Variants in GLO1 observed in about 807,000 individuals in gnomAD.
GLO1 encodes the protein glyoxalase I.
In GLO1, 28 loss-of-function variants were observed where a neutral mutation model predicts 26.0. That is an observed-to-expected ratio of 1.08 (90% confidence interval 0.80 to 1.48). GLO1 has a LOEUF of 1.48. Ranked by LOEUF, GLO1 falls within the 40% of genes most tolerant of loss-of-function variation. The pLI is 0.00. For missense variants in GLO1, 225 were observed against 224.8 expected (o/e 1.00, Z -0.01); for synonymous variants, 78 against 77.6 (o/e 1.00, Z -0.03).
At chr6:38,702,383 A>C (rs1382711668) in intron 1 of GLO1, among the ~76,000 whole-genome samples, 2 of 152,228 alleles carry the variant, frequency 1.3e-5, no homozygotes, top group African/African-American at 4.8e-5. Flanking sequence ...GGGTAAGAGA[A>C]GGAATTTCTA....
chr6:38,688,842 A>T (rs1328222681), intron 1 of GLO1, among the ~76,000 whole-genome samples: 2 of 152,248 alleles, frequency 1.3e-5, no homozygotes, highest in Non-Finnish European at 2.9e-5. Context: ...GTCACTCATC[A>T]GTGGACTTTA....
chr6:38,686,328 ATAAC>A (rs1761459731), intron 2 of GLO1, among the ~76,000 whole-genome samples: 1 of 152,262 alleles, frequency 6.6e-6, no homozygotes, highest in Non-Finnish European at 1.5e-5. Flanking sequence ...AAATGCTCAC[ATAAC>A]TTAGGGAAAC....
intron 5 of GLO1, among the ~76,000 whole-genome samples, chr6:38,679,882 G>C (rs1332442172): frequency 6.6e-6 from 1 of 151,608 alleles, no homozygotes; most frequent in Non-Finnish European, 1.5e-5. Flanking sequence ...GCGAAAATTA[G>C]AGATCAAAAT....
At chr6:38,684,763 T>A (rs1235917599) in intron 2 of GLO1, among the ~76,000 whole-genome samples, 1 of 152,224 alleles carries the variant, frequency 6.6e-6, no homozygotes, top group Non-Finnish European at 1.5e-5. Context: ...AACATTTAGC[T>A]GAAATTATGG....
intron 1 of GLO1, among the ~76,000 whole-genome samples, chr6:38,694,230 G>T (rs1479901641): frequency 6.6e-6 from 1 of 151,940 alleles, no homozygotes; most frequent in Non-Finnish European, 1.5e-5. Context: ...GTCTACTTTG[G>T]TATATTTTCT....
chr6:38,689,515 G>A (rs1247871357), intron 1 of GLO1, among the ~76,000 whole-genome samples: 2 of 152,156 alleles, frequency 1.3e-5, no homozygotes, highest in East Asian at 1.9e-4. Context: ...CTTAGGCACA[G>A]CATGTATTTT....
At chr6:38,693,685 C>CTATATATATA (rs1170645548) in intron 1 of GLO1, among the ~76,000 whole-genome samples, 95 of 86,406 alleles carry the variant, frequency 1.1e-3, no homozygotes, top group African/African-American at 3.0e-3. Flanking sequence ...CTCTCTCTCT[C>CTATATATATA]TATATATATA....
chr6:38,702,485 G>T (rs1053988951), intron 1 of GLO1, among the ~76,000 whole-genome samples: 5 of 152,112 alleles, frequency 3.3e-5, no homozygotes, highest in African/African-American at 9.7e-5. Context: ...GTGACCCACA[G>T]CAAAGGCCAA....
At chr6:38,692,562 T>C (rs370660332) in intron 1 of GLO1, among the ~76,000 whole-genome samples, 1 of 152,212 alleles carries the variant, frequency 6.6e-6, no homozygotes, top group East Asian at 1.9e-4. Flanking sequence ...TGTCTAGAAC[T>C]TTCAGCACTT....
rs1761248592 is a variant in GLO1 at position 38,676,726 on chromosome 6, G to A, written c.*569C>T. On this transcript the variant is annotated 3_prime_UTR_variant, in exon 6 of 6. Transcript: ENST00000373365. ...TCCTCCCCTTTCCCAAATAAATAAG[G>A]TTAGTCCTTGAACTTTAAATGTACT... 2 of 152,118 alleles carry A rather than the reference G, an allele frequency of 1.3e-5. No homozygotes were observed. Among genetic ancestry groups the A allele is most frequent in the Admixed American group, 1.3e-4 (2 of 15,270 alleles). 9.4% of individuals were successfully genotyped at this position (152,118 alleles called of 1,614,324 possible).
chr6:38,699,452 C>T (rs1761662386), intron 1 of GLO1, among the ~76,000 whole-genome samples: 1 of 152,000 alleles, frequency 6.6e-6, no homozygotes, highest in Non-Finnish European at 1.5e-5. Flanking sequence ...TTTTAGGGAA[C>T]AAGGGAAGAC....
Position 38,677,212 on chromosome 6 carries a change from G to T in GLO1, c.*83C>A. 1.3e-6 allele frequency: 1 copy of T among 778,700 alleles called. No homozygotes were observed. Among genetic ancestry groups the T allele is most frequent in the Non-Finnish European group, 2.3e-6 (1 of 427,210 alleles). 48.2% of individuals were successfully genotyped at this position (778,700 alleles called of 1,614,324 possible). A position where few individuals can be genotyped will look rare whatever the true frequency, so the allele number is the denominator to read the frequency against. On this transcript the variant is annotated 3_prime_UTR_variant, in exon 6 of 6. Coordinates refer to ENST00000373365, the MANE Select transcript of GLO1 (RefSeq NM_006708.3). The stretch of plus-strand genomic sequence containing the variant: ...TTTGAATCGGGACAGTGATCCATCA[G>T]TCCTAGATGCTTCTGGTATGTAAAT...
chr6:38,681,212 A>G (rs1055521947), intron 5 of GLO1, among the ~76,000 whole-genome samples: 4 of 151,998 alleles, frequency 2.6e-5, no homozygotes, highest in Non-Finnish European at 5.9e-5. Context: ...ATAGGCGCCC[A>G]CCACCATGCC....
chr6:38,677,400 T>G lies in GLO1; in HGVS notation c.467-17A>C. Reference sequence around the variant, plus strand: ...TCATTTTACCTGTAAAATGAAAATTTTCATTATTGAAAAGACTAAAAAAGA... The same window carrying G: ...TCATTTTACCTGTAAAATGAAAATTGTCATTATTGAAAAGACTAAAAAAGA... On this transcript the variant is annotated splice_polypyrimidine_tract_variant and intron_variant, in intron 5 of 5. Transcript: ENST00000373365. 4 of 1,106,144 alleles carry G rather than the reference T, an allele frequency of 3.6e-6. No homozygotes were observed. Among genetic ancestry groups the G allele is most frequent in the Non-Finnish European group, 5.5e-6 (4 of 721,458 alleles). The allele number at this position is 1,106,144 out of a possible 1,614,324, so 68.5% of individuals were successfully genotyped here.
At chr6:38,698,765 T>A (rs1264208162) in intron 1 of GLO1, among the ~76,000 whole-genome samples, 1 of 147,630 alleles carries the variant, frequency 6.8e-6, no homozygotes, top group Non-Finnish European at 1.5e-5. Context: ...GACATAGCCA[T>A]ACATTCTCTG....
At chr6:38,682,283 G>T (rs912475689) in intron 4 of GLO1, among the ~76,000 whole-genome samples, 182 bp from the exon 5 acceptor site, 1 of 152,116 alleles carries the variant, frequency 6.6e-6, no homozygotes, top group East Asian at 1.9e-4. Context: ...AATGGGCTGG[G>T]TATAAGTAGT....
At chr6:38,699,679 A>C (rs1223811388) in intron 1 of GLO1, among the ~76,000 whole-genome samples, 6 of 152,148 alleles carry the variant, frequency 3.9e-5, no homozygotes, top group African/African-American at 7.2e-5. Context: ...GGTTGAGATA[A>C]GGACTGAGAT....
At chr6:38,688,016 T>C (rs907562123) in intron 1 of GLO1, among the ~76,000 whole-genome samples, 2 of 151,988 alleles carry the variant, frequency 1.3e-5, no homozygotes, top group African/African-American at 2.4e-5. Context: ...AAAATACAAA[T>C]ATAGTTCATT....
chr6:38,683,653 C>T (rs1346451158), intron 3 of GLO1, among the ~76,000 whole-genome samples: 1 of 151,954 alleles, frequency 6.6e-6, no homozygotes, highest in Non-Finnish European at 1.5e-5. Flanking sequence ...TTTGGGCGGC[C>T]GAGGCAGACA....
Sources: allele counts gnomAD v4.1 joint callset (sites outside exome capture counted in the v4.1 genomes callset), GRCh38; gene constraint gnomAD v4.1.1; transcripts MANE v1.5; gene names NCBI Gene and HGNC (gene_info 2026-07-23, HGNC 2026-07-21).